DUS2: variants seen among roughly 807,000 people sequenced by gnomAD.
DUS2 encodes dihydrouridine synthase 2, also known as tRNA-dihydrouridine(20) synthase [NAD(P)+]-like.
Under a neutral mutation model 71.3 loss-of-function variants are expected in DUS2, and 52 were observed. The observed-to-expected ratio is 0.73, with a 90% CI of 0.58 to 0.92. DUS2 has a LOEUF of 0.92. Among genes scored for constraint, DUS2 ranks in the 40% least tolerant of loss-of-function variants. The probability of loss-of-function intolerance (pLI) is 0.00; values close to 1 mark genes in which losing one functional copy is unlikely to be tolerated. For missense variants in DUS2, 558 were observed against 622.6 expected (o/e 0.90, Z 1.10); for synonymous variants, 204 against 227.8 (o/e 0.90, Z 0.94).
chr16:68,066,011 A>G (rs1000088000), intron 8 of DUS2, among the ~76,000 whole-genome samples: 1 of 152,136 alleles, frequency 6.6e-6, no homozygotes, highest in Admixed American at 6.6e-5. Flanking sequence ...GTCCTGGCAA[A>G]GGCTCAGTGA....
chr16:68,075,605 G>A, intron 14 of DUS2, 101 bp downstream of exon 14: 3 of 1,208,646 alleles, frequency 2.5e-6, no homozygotes, highest in Non-Finnish European at 3.3e-6. Flanking sequence ...GTCAAACGTA[G>A]GGACCACAGG....
chr16:68,043,134 C>T (rs1048979133), intron 3 of DUS2, among the ~76,000 whole-genome samples: 5 of 150,442 alleles, frequency 3.3e-5, no homozygotes, highest in Admixed American at 2.6e-4. Context: ...ATTGGCTGGG[C>T]GTGATGGCTC....
At chr16:68,061,966 C>T (rs1385237931) in intron 8 of DUS2, among the ~76,000 whole-genome samples, 1 of 151,950 alleles carries the variant, frequency 6.6e-6, no homozygotes, top group East Asian at 1.9e-4. Context: ...TCTCGTTTTT[C>T]CCATGTGCAG....
chr16:68,049,464 A>T, intron 3 of DUS2, 41 bp from the exon 4 acceptor site: 1 of 1,607,542 alleles, frequency 6.2e-7, no homozygotes, highest in Non-Finnish European at 8.5e-7. Flanking sequence ...CCCAGAGCCT[A>T]CATGTTCAGG....
chr16:68,066,519 C>T (rs756751467), intron 9 of DUS2, 47 bp from the exon 10 acceptor site: 1 of 1,606,928 alleles, frequency 6.2e-7, no homozygotes, highest in Non-Finnish European at 8.5e-7. Flanking sequence ...GCAGCAGCTG[C>T]TCCTTCTGGA....
chr16:68,073,899 C>T, intron 12 of DUS2, 135 bp from the exon 13 acceptor site: 1 of 1,110,170 alleles, frequency 9.0e-7, no homozygotes, highest in Admixed American at 2.3e-5. Flanking sequence ...AGTGGTGGTT[C>T]TTCTTATGGG....
chr16:68,073,340 A>G, intron 12 of DUS2, among the ~76,000 whole-genome samples: 1 of 147,440 alleles, frequency 6.8e-6, no homozygotes, highest in South Asian at 2.2e-4. Flanking sequence ...TGGCATGATC[A>G]TAGCTCACTA....
chr16:68,057,880 CA>C (rs5817628), intron 7 of DUS2, among the ~76,000 whole-genome samples: 70,719 of 92,156 alleles, frequency 0.77, 25,980 homozygotes, highest in East Asian at 0.95. Context: ...AAATCTGTCT[CA>C]AAAAAAAAAA....
rs560287191 is a variant in DUS2, at chr16:68,066,381, C to T, written c.482C>T (p.Ser161Leu). The change falls in exon 9 of 17, where the codon TCG becomes TTG. Residue 161 changes from serine (S) to leucine (L), a missense_variant and splice_region_variant. Physicochemically the swap from Ser to Leu is moderately radical, Grantham distance 145. Coordinates refer to ENST00000565263, the MANE Select transcript of DUS2 (RefSeq NM_017803.5). Reference protein sequence around the residue: ...PVTCKIRILPSLEDTLSLVKR... With the variant: ...PVTCKIRILPLLEDTLSLVKR... ...ACCTGCAAGATTCGCATCCTGCCAT[C>T]GGTAAGGATGGTGTGTTACATATGA... 31 of 1,613,008 alleles carry T rather than the reference C, an allele frequency of 1.9e-5. No individual in the cohort carries two copies. Among genetic ancestry groups the T allele is most frequent in the Middle Eastern group, 1.6e-4 (1 of 6,062 alleles).
chr16:68,064,088 G>A (rs1567479445), intron 8 of DUS2, among the ~76,000 whole-genome samples: 2 of 152,178 alleles, frequency 1.3e-5, no homozygotes, highest in South Asian at 4.1e-4. Flanking sequence ...TGCTTTCCAG[G>A]CCTATGCTTT....
At chr16:68,069,420 G>A (rs2034053518) in intron 10 of DUS2, among the ~76,000 whole-genome samples, 2 of 152,124 alleles carry the variant, frequency 1.3e-5, no homozygotes, top group South Asian at 4.1e-4. Context: ...TAGCAGAGGG[G>A]ACATACTCAG....
chr16:68,028,721 A>C (rs927891723), intron 2 of DUS2, among the ~76,000 whole-genome samples: 1 of 152,170 alleles, frequency 6.6e-6, no homozygotes, highest in South Asian at 2.1e-4. Flanking sequence ...AGCCTTTACT[A>C]TGTGCTGAGA....
At chr16:68,026,808 G>A (rs563201148) in intron 2 of DUS2, among the ~76,000 whole-genome samples, 22 of 151,148 alleles carry the variant, frequency 1.5e-4, no homozygotes, top group East Asian at 1.9e-4. Context: ...CCCGGGAGGC[G>A]GAGGTTGCAG....
intron 8 of DUS2, among the ~76,000 whole-genome samples, chr16:68,061,402 C>T (rs969833211): frequency 1.3e-5 from 2 of 152,202 alleles, no homozygotes; most frequent in African/African-American, 4.8e-5. Flanking sequence ...CTCTGTATTT[C>T]CTGTCTCCCT....
At chr16:68,074,258 GGATGTA>G (rs1259662936) in intron 13 of DUS2, 103 bp downstream of exon 13, 2 of 1,445,058 alleles carry the variant, frequency 1.4e-6, no homozygotes, top group African/African-American at 1.4e-5. Context: ...CACAGCTTCT[GGATGTA>G]GATGTAGAGG....
At chr16:68,025,836 G>C (rs1255209059) in intron 2 of DUS2, among the ~76,000 whole-genome samples, 3 of 152,162 alleles carry the variant, frequency 2.0e-5, no homozygotes. Flanking sequence ...GGAGCTTGGT[G>C]TGTTCCTTGG....
intron 8 of DUS2, 42 bp from the exon 9 acceptor site, chr16:68,066,275 G>A: frequency 6.3e-7 from 1 of 1,590,286 alleles, no homozygotes; most frequent in Non-Finnish European, 8.6e-7. Flanking sequence ...GTGATGGTTT[G>A]TTCCAGAAGA....
intron 3 of DUS2, among the ~76,000 whole-genome samples, chr16:68,044,938 G>A (rs1282977477): frequency 4.6e-5 from 7 of 151,888 alleles, no homozygotes; most frequent in African/African-American, 9.7e-5. Flanking sequence ...GATTACAGGC[G>A]CCTGCCACCA....
intron 4 of DUS2, among the ~76,000 whole-genome samples, chr16:68,052,943 A>G (rs1024536452): frequency 6.7e-6 from 1 of 148,908 alleles, no homozygotes; most frequent in Non-Finnish European, 1.5e-5. Context: ...GCGCCCGGCT[A>G]TGTATGTACA....
Sources: gnomAD v4.1 joint callset for allele counts (sites outside exome capture counted in the v4.1 genomes callset) on GRCh38, gnomAD v4.1.1 for gene constraint, MANE v1.5 for transcripts, NCBI Gene and HGNC (gene_info 2026-07-23, HGNC 2026-07-21) for gene names.